Variants in OTUD7A observed in about 807,000 individuals in gnomAD.
OTUD7A encodes the protein OTU deubiquitinase 7A.
OTUD7A carries 12 observed loss-of-function variants against 65.7 expected under a neutral mutation model. That is an observed-to-expected ratio of 0.18 (90% CI 0.12 to 0.30). The LOEUF (loss-of-function observed/expected upper bound fraction) is 0.30. OTUD7A is among the 10% of genes least tolerant of loss of function. The pLI, the probability that OTUD7A is intolerant of heterozygous loss-of-function variation, is 1.00. For synonymous variants in OTUD7A, 641 were observed against 586.3 expected (o/e 1.09, Z -1.35); for missense variants, 1,148 against 1,304.8 (o/e 0.88, Z 1.85).
chr15:31,534,269 A>G (rs1461106836), intron 5 of OTUD7A, among the ~76,000 whole-genome samples: 1 of 152,238 alleles, frequency 6.6e-6, no homozygotes, highest in Non-Finnish European at 1.5e-5. Context: ...AAAATCAATC[A>G]ATATAATTCA....
Position 31,796,430 on chromosome 15 carries a change from T to C in OTUD7A, c.-100+74077A>G, listed in dbSNP as rs538788813. Among the ~76,000 whole-genome samples, 8 of 152,246 alleles carry C rather than the reference T, an allele frequency of 5.3e-5. No individual in the cohort carries two copies. The South Asian group carries it at 8.3e-4, about 16-fold the overall frequency. On this transcript the variant is annotated intron_variant, in intron 1 of 12. Coordinates refer to ENST00000307050, the MANE Select transcript of OTUD7A (RefSeq NM_001382637.1). ...TTTGGGGAAGCTCAGTCTTTTTTCATTGGGCATTCAAATAATTGCATGAGG... is the reference window on the plus strand; with the variant it reads ...TTTGGGGAAGCTCAGTCTTTTTTCACTGGGCATTCAAATAATTGCATGAGG...
At chr15:31,704,635 G>A (rs937359165) in intron 1 of OTUD7A, among the ~76,000 whole-genome samples, 10 of 151,182 alleles carry the variant, frequency 6.6e-5, no homozygotes, top group African/African-American at 2.4e-4. Context: ...TTTAATTAAA[G>A]GTACGGTGAA....
chr15:31,797,597 G>C (rs778503116), intron 1 of OTUD7A, among the ~76,000 whole-genome samples: 2 of 152,214 alleles, frequency 1.3e-5, no homozygotes, highest in Non-Finnish European at 2.9e-5. Context: ...GCTGCCTGAA[G>C]GAACAGCCCC....
At chr15:31,845,158 A>G (rs1897268492) in intron 1 of OTUD7A, among the ~76,000 whole-genome samples, 2 of 152,178 alleles carry the variant, frequency 1.3e-5, no homozygotes, top group Non-Finnish European at 2.9e-5. Flanking sequence ...AATAATAATT[A>G]AAAAGCAGGA....
intron 1 of OTUD7A, among the ~76,000 whole-genome samples, chr15:31,858,218 C>G (rs1897628035): frequency 6.6e-6 from 1 of 152,122 alleles, no homozygotes; most frequent in African/African-American, 2.4e-5. Flanking sequence ...ACAGGTGTGG[C>G]AGGTAGCCAG....
chr15:31,703,740 A>C (rs368400812), intron 1 of OTUD7A, among the ~76,000 whole-genome samples: 17 of 150,806 alleles, frequency 1.1e-4, no homozygotes, highest in African/African-American at 2.4e-4. Flanking sequence ...ATGGAGTCTT[A>C]ACATTCACCC....
At chr15:31,549,817 T>C (rs1263982619) in intron 5 of OTUD7A, among the ~76,000 whole-genome samples, 1 of 152,176 alleles carries the variant, frequency 6.6e-6, no homozygotes, top group Non-Finnish European at 1.5e-5. Context: ...AGAAGAGAGC[T>C]AGACGGCAAG....
Position 31,570,009 on chromosome 15 carries a change from C to T in OTUD7A, c.331+9G>A. On this transcript the variant is annotated intron_variant, in intron 4 of 12. Transcript: ENST00000307050. The stretch of plus-strand genomic sequence containing the variant: ...GCGGCTGTGCCTAGGCTCAGTCCCT[C>T]AGCGGTACCTTGGGCAATGTCGTCC... 1.2e-6 allele frequency: 2 copies of T among 1,613,458 alleles called. No individual in the cohort carries two copies. Among genetic ancestry groups the T allele is most frequent in the South Asian group, 2.2e-5 (2 of 91,018 alleles).
Position 31,827,854 on chromosome 15 carries a change from A to G in OTUD7A, c.-100+42653T>C, listed in dbSNP as rs199662915. ...TGGCAGGAGAATTGCTTGAACTTGG[A>G]GGGGCGGGGGTTAGAGGTTGCAGTG... On this transcript the variant is annotated intron_variant, in intron 1 of 12. Transcript: ENST00000307050. 4.0e-5 allele frequency among the ~76,000 whole-genome samples: 6 copies of G among 151,586 alleles called. No individual in the cohort carries two copies. In the South Asian group the frequency reaches 6.3e-4, roughly 16 times the overall value.
chr15:31,648,480 T>C (rs1044910402), intron 3 of OTUD7A, among the ~76,000 whole-genome samples: 4 of 152,188 alleles, frequency 2.6e-5, no homozygotes, highest in African/African-American at 9.6e-5. Flanking sequence ...AGGACTGAGC[T>C]TGGACCACCA....
intron 3 of OTUD7A, among the ~76,000 whole-genome samples, chr15:31,622,947 G>C (rs1334321498): frequency 6.6e-6 from 1 of 152,208 alleles, no homozygotes; most frequent in East Asian, 1.9e-4. Context: ...GTTTTGGTGT[G>C]GATGTCCTTT....
At chr15:31,616,085 C>A (rs939903140) in intron 3 of OTUD7A, among the ~76,000 whole-genome samples, 1 of 152,234 alleles carries the variant, frequency 6.6e-6, no homozygotes, top group Non-Finnish European at 1.5e-5. Context: ...GCGGTGAAAC[C>A]TCTTAGCTGC....
At chr15:31,651,942 C>T (rs1250241151) in intron 3 of OTUD7A, among the ~76,000 whole-genome samples, 2 of 140,886 alleles carry the variant, frequency 1.4e-5, no homozygotes, top group Non-Finnish European at 1.5e-5. Context: ...GACAAAATCT[C>T]AGCAAAACAG....
In OTUD7A at chr15:31,510,521, T is replaced by C. The variant is rs986578885; in HGVS notation, c.894-6703A>G. Among the ~76,000 whole-genome samples, 12 of 143,904 alleles carry C rather than the reference T, an allele frequency of 8.3e-5. 1 individual carries two copies. The highest frequency in any genetic ancestry group is 1.5e-4 in the Non-Finnish European group (10 of 67,032). 94.4% of individuals were successfully genotyped at this position (143,904 alleles called of 152,430 possible). A position where few individuals can be genotyped will look rare whatever the true frequency, so the allele number is the denominator to read the frequency against. On this transcript the variant is annotated intron_variant, in intron 8 of 12. Coordinates refer to ENST00000307050, the MANE Select transcript of OTUD7A (RefSeq NM_001382637.1). ...TATGTAACATACATATATATGTATA[T>C]CTATATGTAACATACATATGTATAT...
intron 1 of OTUD7A, among the ~76,000 whole-genome samples, chr15:31,807,896 G>C (rs905823611): frequency 6.6e-6 from 1 of 151,842 alleles, no homozygotes; most frequent in Non-Finnish European, 1.5e-5. Flanking sequence ...ATCCAATTGA[G>C]AGAGCCGCTG....
intron 5 of OTUD7A, among the ~76,000 whole-genome samples, chr15:31,541,355 C>T (rs1353329086): frequency 6.6e-6 from 1 of 152,136 alleles, no homozygotes; most frequent in Non-Finnish European, 1.5e-5. Flanking sequence ...CCTACAAACC[C>T]TCATTGATTT....
intron 6 of OTUD7A, among the ~76,000 whole-genome samples, chr15:31,530,069 G>A (rs753829065): frequency 6.6e-6 from 1 of 152,156 alleles, no homozygotes; most frequent in Non-Finnish European, 1.5e-5. Flanking sequence ...TTGTGTGATC[G>A]GGAAGCTCAC....
chr15:31,514,057 C>CTTTCT (rs1555392140), intron 8 of OTUD7A, among the ~76,000 whole-genome samples: 2 of 23,094 alleles, frequency 8.7e-5, no homozygotes, highest in Non-Finnish European at 1.6e-4. Context: ...TTCTTTCTTT[C>CTTTCT]TTTTTTTTTT....
intron 2 of OTUD7A, among the ~76,000 whole-genome samples, chr15:31,656,355 C>G (rs1417683038): frequency 6.6e-6 from 1 of 152,212 alleles, no homozygotes; most frequent in African/African-American, 2.4e-5. Flanking sequence ...AGACCATGGG[C>G]CACATGTGGT....
Sources: allele counts gnomAD v4.1 joint callset (sites outside exome capture counted in the v4.1 genomes callset), GRCh38; gene constraint gnomAD v4.1.1; transcripts MANE v1.5; gene names NCBI Gene and HGNC (gene_info 2026-07-23, HGNC 2026-07-21).